TTC29: variants seen among roughly 807,000 people sequenced by gnomAD.
TTC29 encodes the protein tetratricopeptide repeat protein 29.
Under a neutral mutation model 58.1 loss-of-function variants are expected in TTC29, and 49 were observed. That is an observed-to-expected ratio of 0.84 (90% CI 0.67 to 1.07). The LOEUF (loss-of-function observed/expected upper bound fraction) is 1.07. Ranked by LOEUF, TTC29 falls within the 50% of genes least tolerant of loss-of-function variation. The pLI, the probability that TTC29 is intolerant of heterozygous loss-of-function variation, is 0.00. For synonymous variants in TTC29, 209 were observed against 196.8 expected (o/e 1.06, Z -0.52); for missense variants, 582 against 555.6 (o/e 1.05, Z -0.48).
chr4:146,888,208 T>C (rs1732119941), intron 6 of TTC29, among the ~76,000 whole-genome samples: 1 of 152,166 alleles, frequency 6.6e-6, no homozygotes, highest in Non-Finnish European at 1.5e-5. Flanking sequence ...GACTGCTTTG[T>C]GGTAGATTTG....
In TTC29 at chr4:146,718,127, C is replaced by G. The variant is rs139660212; in HGVS notation, c.1331-10576G>C. Among the ~76,000 whole-genome samples the G allele has an allele frequency of 2.2e-3, 341 of 152,166 alleles. 2 individuals carry two copies. Among genetic ancestry groups the G allele is most frequent in the African/African-American group, 7.8e-3 (325 of 41,530 alleles). On this transcript the variant is annotated intron_variant, in intron 11 of 12. Transcript: ENST00000325106. ...ATATATCACATTTTCTTTATCCATT[C>G]ATTGGTTTATGGACACTTCCATGAC...
chr4:146,745,168 C>A (rs2150040240), intron 11 of TTC29, among the ~76,000 whole-genome samples: 1 of 152,300 alleles, frequency 6.6e-6, no homozygotes, highest in South Asian at 2.1e-4. Context: ...TTTGAGAGGG[C>A]TCCAGAAGTT....
intron 7 of TTC29, among the ~76,000 whole-genome samples, chr4:146,873,671 A>T (rs75981230): frequency 6.6e-6 from 1 of 152,214 alleles, no homozygotes; most frequent in South Asian, 2.1e-4. Context: ...CCTTTGGGGG[A>T]AGGTACTAGA....
intron 11 of TTC29, among the ~76,000 whole-genome samples, chr4:146,741,326 C>T (rs969005056): frequency 6.6e-6 from 1 of 152,104 alleles, no homozygotes; most frequent in East Asian, 1.9e-4. Flanking sequence ...GTGGAAGACA[C>T]AAATGCTCAA....
chr4:146,760,525 G>C (rs1746804526), intron 11 of TTC29, among the ~76,000 whole-genome samples: 1 of 151,790 alleles, frequency 6.6e-6, no homozygotes, highest in Non-Finnish European at 1.5e-5. Flanking sequence ...CACACTACCT[G>C]ATTTCAAACT....
intron 6 of TTC29, among the ~76,000 whole-genome samples, chr4:146,884,563 T>C (rs1255374694): frequency 6.6e-6 from 1 of 152,122 alleles, no homozygotes; most frequent in African/African-American, 2.4e-5. Context: ...CAGGGAATCT[T>C]TTTGGAAAAA....
intron 8 of TTC29, among the ~76,000 whole-genome samples, chr4:146,851,196 C>T (rs1369977121): frequency 6.6e-6 from 1 of 152,194 alleles, no homozygotes; most frequent in Non-Finnish European, 1.5e-5. Flanking sequence ...GGTCTAAGTG[C>T]TTTCTGTATG....
chr4:146,784,197 T>C (rs966409663), intron 11 of TTC29, among the ~76,000 whole-genome samples: 4 of 151,994 alleles, frequency 2.6e-5, no homozygotes, highest in Admixed American at 2.6e-4. Flanking sequence ...AAATATAGTG[T>C]ATAATATAGT....
chr4:146,910,484 G>A (rs904028560), intron 4 of TTC29, among the ~76,000 whole-genome samples: 3 of 152,036 alleles, frequency 2.0e-5, no homozygotes, highest in African/African-American at 7.2e-5. Flanking sequence ...CTTAGGTAGA[G>A]AACAAACAAA....
intron 10 of TTC29, among the ~76,000 whole-genome samples, chr4:146,806,047 C>T (rs765477324): frequency 6.6e-6 from 1 of 152,122 alleles, no homozygotes; most frequent in Non-Finnish European, 1.5e-5. Context: ...CTGGAGAAAC[C>T]CTACAAGCCA....
intron 6 of TTC29, among the ~76,000 whole-genome samples, chr4:146,886,103 C>T (rs562965333): frequency 6.6e-6 from 1 of 152,162 alleles, no homozygotes; most frequent in South Asian, 2.1e-4. Flanking sequence ...TTTTTCCCTA[C>T]CTCCTGCCCT....
intron 11 of TTC29, among the ~76,000 whole-genome samples, chr4:146,765,848 G>C (rs1747276146): frequency 6.6e-6 from 1 of 152,008 alleles, no homozygotes; most frequent in Non-Finnish European, 1.5e-5. Context: ...AAATTCAAAG[G>C]ATATAAATCA....
intron 11 of TTC29, among the ~76,000 whole-genome samples, chr4:146,799,353 G>T (rs1750049011): frequency 6.6e-6 from 1 of 152,104 alleles, no homozygotes; most frequent in Non-Finnish European, 1.5e-5. Flanking sequence ...AAAAGCTGAG[G>T]ATCACTAGTG....
chr4:146,851,962 G>A (rs1045201959), intron 8 of TTC29, among the ~76,000 whole-genome samples: 2 of 152,204 alleles, frequency 1.3e-5, no homozygotes, highest in African/African-American at 4.8e-5. Flanking sequence ...TTGAGACGGA[G>A]TCTCACTCTG....
At chr4:146,713,245 A>G (rs932813472) in intron 11 of TTC29, among the ~76,000 whole-genome samples, 1 of 151,374 alleles carries the variant, frequency 6.6e-6, no homozygotes, top group Non-Finnish European at 1.5e-5. Flanking sequence ...GAGCGTCAAC[A>G]TATTTAATGT....
intron 11 of TTC29, among the ~76,000 whole-genome samples, chr4:146,744,954 G>A (rs975743011): frequency 2.0e-5 from 3 of 152,108 alleles, no homozygotes; most frequent in Admixed American, 6.5e-5. Context: ...ATAAAAATCT[G>A]CAAATTTATG....
At chr4:146,860,609 T>C (rs1730166015) in intron 8 of TTC29, among the ~76,000 whole-genome samples, 2 of 152,112 alleles carry the variant, frequency 1.3e-5, no homozygotes, top group African/African-American at 4.8e-5. Context: ...ATGATTCATG[T>C]CCCAGATGGG....
chr4:146,815,438 T>A (rs1751335404), intron 10 of TTC29, among the ~76,000 whole-genome samples: 1 of 152,156 alleles, frequency 6.6e-6, no homozygotes, highest in African/African-American at 2.4e-5. Flanking sequence ...AGGAGTGGGT[T>A]CCATTTGAAA....
intron 4 of TTC29, among the ~76,000 whole-genome samples, chr4:146,915,772 AT>A (rs960739383): frequency 2.6e-5 from 4 of 151,868 alleles, no homozygotes; most frequent in Admixed American, 1.3e-4. Flanking sequence ...TATTTAACAT[AT>A]TTTTTTCATA....
Sources: gnomAD v4.1 joint callset for allele counts (sites outside exome capture counted in the v4.1 genomes callset) on GRCh38, gnomAD v4.1.1 for gene constraint, MANE v1.5 for transcripts, NCBI Gene and HGNC (gene_info 2026-07-23, HGNC 2026-07-21) for gene names.